Variants in EGFR observed in about 807,000 individuals in gnomAD.
EGFR encodes avian erythroblastic leukemia viral (v-erb-b) oncogene homolog.
A neutral mutation model predicts 143.0 loss-of-function variants in EGFR; 58 were observed. The ratio of observed to expected loss-of-function variants is 0.41; its 90% confidence interval spans 0.33 to 0.50. The LOEUF (loss-of-function observed/expected upper bound fraction) is 0.50. Among genes scored for constraint, EGFR ranks in the 20% least tolerant of loss-of-function variants. The pLI, the probability that EGFR is intolerant of heterozygous loss-of-function variation, is 0.39. For synonymous variants in EGFR, 613 were observed against 594.4 expected (o/e 1.03, Z -0.45); for missense variants, 1,307 against 1,579.0 (o/e 0.83, Z 2.92).
chr7:55,151,803 G>A (rs1237908500), intron 5 of EGFR, among the ~76,000 whole-genome samples: 1 of 152,210 alleles, frequency 6.6e-6, no homozygotes, highest in Non-Finnish European at 1.5e-5. Flanking sequence ...GAACCTGGGA[G>A]GCGGAGCTTG....
intron 1 of EGFR, among the ~76,000 whole-genome samples, chr7:55,119,842 T>C (rs369080086): frequency 6.6e-6 from 1 of 152,192 alleles, no homozygotes; most frequent in Admixed American, 6.5e-5. Flanking sequence ...CCAAATCTGT[T>C]TCACCTCCCC....
At chr7:55,189,074 C>T (rs1260214530) in intron 20 of EGFR, 1 of 151,670 alleles carries the variant, frequency 6.6e-6, no homozygotes, top group Admixed American at 6.6e-5. Context: ...TGCATGCTCA[C>T]GCTGTCTCAT....
chr7:55,031,641 T>C (rs1288614881), intron 1 of EGFR, among the ~76,000 whole-genome samples: 1 of 152,196 alleles, frequency 6.6e-6, no homozygotes, highest in African/African-American at 2.4e-5. Context: ...GCTTTTAGAT[T>C]CTTTGGGCAA....
intron 1 of EGFR, among the ~76,000 whole-genome samples, chr7:55,091,847 A>AC (rs1791134774): frequency 2.3e-5 from 3 of 132,096 alleles, no homozygotes; most frequent in Non-Finnish European, 4.9e-5. Flanking sequence ...ACCCACTGTA[A>AC]ACACACACAC....
rs779015469 is a variant in EGFR, at chr7:55,198,719, G to T, written c.2704G>T (p.Val902Leu). The T allele has an allele frequency of 2.5e-6, 4 of 1,614,196 alleles. No homozygotes were observed. Among genetic ancestry groups the T allele is most frequent in the Non-Finnish European group, 3.4e-6 (4 of 1,180,038 alleles). ...CTTTTCTTGCTTCATCCTCTCAGGGGTGACTGTTTGGGAGTTGATGACCTT... is the reference window on the plus strand; with the variant it reads ...CTTTTCTTGCTTCATCCTCTCAGGGTTGACTGTTTGGGAGTTGATGACCTT... ...THQSDVWSYG[V>L]TVWELMTFGS... The change falls in exon 23 of 28, where the codon GTG (valine) becomes TTG (leucine). Residue 902 changes from valine (V) to leucine (L), a missense_variant and splice_region_variant. By Grantham distance (32) the Val-to-Leu change is conservative. Coordinates refer to ENST00000275493, the MANE Select transcript of EGFR (RefSeq NM_005228.5).
chr7:55,152,522 C>T (rs370904966), intron 5 of EGFR, 24 bp from the exon 6 acceptor site: 2 of 1,604,830 alleles, frequency 1.2e-6, no homozygotes, highest in African/African-American at 2.7e-5. Context: ...CTTCAGCTCA[C>T]AGGGAACCTT....
intron 1 of EGFR, among the ~76,000 whole-genome samples, chr7:55,063,585 C>T (rs958438892): frequency 4.6e-5 from 7 of 152,202 alleles, no homozygotes; most frequent in East Asian, 1.9e-4. Flanking sequence ...CATCAGCACA[C>T]GCAGTTTTTC....
rs761470472 is a variant in EGFR, at chr7:55,174,810, A to G, written c.2273A>G (p.Glu758Gly). Residue 758 changes from glutamate to glycine, a missense_variant, in exon 19 of 28, where the codon GAA becomes GGA. Transcript: ENST00000275493. ...GCAACATCTCCGAAAGCCAACAAGG[A>G]AATCCTCGATGTGAGTTTCTGCTTT... ...REATSPKANK[E>G]ILDEAYVMAS... The G allele has an allele frequency of 6.2e-7, 1 of 1,613,916 alleles. No individual in the cohort carries two copies. The highest frequency in any genetic ancestry group is 8.5e-7 in the Non-Finnish European group (1 of 1,179,796).
rs566127922 is a variant in EGFR at position 55,114,120 on chromosome 7, G to A, written c.89-28166G>A. ...TGGAATATTACAAAAATATAGAAAAGCATGTTATAGTAAATAAAAGGCTCA... is the reference window on the plus strand; with the variant it reads ...TGGAATATTACAAAAATATAGAAAAACATGTTATAGTAAATAAAAGGCTCA... On this transcript the variant is annotated intron_variant, in intron 1 of 27. Coordinates refer to ENST00000275493, the MANE Select transcript of EGFR (RefSeq NM_005228.5). Among the ~76,000 whole-genome samples the A allele has an allele frequency of 1.2e-4, 19 of 152,296 alleles. 1 individual carries two copies. In the South Asian group the frequency reaches 2.9e-3, roughly 23 times the overall value.
chr7:55,049,970 C>T (rs1298543452), intron 1 of EGFR, among the ~76,000 whole-genome samples: 1 of 152,192 alleles, frequency 6.6e-6, no homozygotes, highest in Non-Finnish European at 1.5e-5. Context: ...CCCTCAGAGC[C>T]TCATCTCCCT....
At chr7:55,062,837 G>A (rs1255935306) in intron 1 of EGFR, among the ~76,000 whole-genome samples, 3 of 152,010 alleles carry the variant, frequency 2.0e-5, no homozygotes, top group African/African-American at 4.8e-5. Flanking sequence ...TACAAAGTTT[G>A]TGCAGCCCTT....
At chr7:55,192,463 T>C (rs1275294928) in intron 21 of EGFR, among the ~76,000 whole-genome samples, 1 of 152,176 alleles carries the variant, frequency 6.6e-6, no homozygotes, top group Non-Finnish European at 1.5e-5. Flanking sequence ...CAACCCATGA[T>C]GCTGGGCCCT....
At position 55,019,359 on chromosome 7, in the gene EGFR, A is replaced by G. The variant is rs749088691; in HGVS notation, c.82A>G (p.Lys28Glu). Residue 28 changes from lysine (K) to glutamate (E), a missense_variant, in exon 1 of 28, where the codon AAG becomes GAG. Physicochemically the swap from Lys to Glu is moderately conservative, Grantham distance 56. Transcript: ENST00000275493. The stretch of plus-strand genomic sequence containing the variant: ...CCCGGCGAGTCGGGCTCTGGAGGAA[A>G]AGAAAGGTAAGGGCGTGTCTCGCCG... ...LCPASRALEE[K>E]KVCQGTSNKL... is the part of the protein sequence containing the mutation. 1 of 1,507,108 alleles carries G rather than the reference A, an allele frequency of 6.6e-7. No homozygotes were observed. 93.4% of individuals were successfully genotyped at this position (1,507,108 alleles called of 1,614,324 possible).
intron 1 of EGFR, among the ~76,000 whole-genome samples, chr7:55,076,607 C>T (rs1418226985): frequency 6.6e-6 from 1 of 152,172 alleles, no homozygotes; most frequent in African/African-American, 2.4e-5. Context: ...AACATACTCA[C>T]ACCCCTTCGC....
At chr7:55,173,190 A>G (rs2128952867) in intron 17 of EGFR, 66 bp downstream of exon 17, 2 of 1,592,220 alleles carry the variant, frequency 1.3e-6, no homozygotes, top group Non-Finnish European at 1.7e-6. Flanking sequence ...GCCAGCCCCG[A>G]GAACGGGCCA....
intron 14 of EGFR, 97 bp downstream of exon 14, chr7:55,163,920 G>T (rs921435647): frequency 1.4e-5 from 19 of 1,402,954 alleles, no homozygotes; most frequent in Middle Eastern, 4.2e-4. Flanking sequence ...GTGTGGGCAG[G>T]ACGGCCATCA....
chr7:55,171,148 T>G (rs376196815), intron 15 of EGFR, 27 bp from the exon 16 acceptor site: 1 of 1,613,924 alleles, frequency 6.2e-7, no homozygotes. Flanking sequence ...ATGAGAAAAA[T>G]GTATATTTCT....
chr7:55,162,830 A>G (rs1356299077), intron 13 of EGFR, among the ~76,000 whole-genome samples: 1 of 152,124 alleles, frequency 6.6e-6, no homozygotes, highest in African/African-American at 2.4e-5. Context: ...TCACGCCATC[A>G]CCCAGGCTGG....
intron 1 of EGFR, among the ~76,000 whole-genome samples, chr7:55,097,657 A>G (rs1224112884): frequency 6.6e-6 from 1 of 152,202 alleles, no homozygotes; most frequent in Non-Finnish European, 1.5e-5. Context: ...TGATTTCTAT[A>G]AGACCCAGGA....
Sources: allele counts gnomAD v4.1 joint callset (sites outside exome capture counted in the v4.1 genomes callset), GRCh38; gene constraint gnomAD v4.1.1; transcripts MANE v1.5; gene names NCBI Gene and HGNC (gene_info 2026-07-23, HGNC 2026-07-21).